SGCE: variants seen among roughly 807,000 people sequenced by gnomAD.
The protein encoded by SGCE is epsilon-sarcoglycan.
In SGCE, 26 loss-of-function variants were observed where a neutral mutation model predicts 57.8. The observed-to-expected ratio is 0.45, with a 90% CI of 0.33 to 0.62. SGCE has a LOEUF of 0.62. Ranked by LOEUF, SGCE falls within the 20% of genes least tolerant of loss-of-function variation. The pLI is 0.02. For synonymous variants in SGCE, 183 were observed against 189.5 expected (o/e 0.97, Z 0.28); for missense variants, 468 against 548.6 (o/e 0.85, Z 1.47).
chr7:94,636,821 T>A (rs1202760830), intron 1 of SGCE, among the ~76,000 whole-genome samples: 2 of 152,140 alleles, frequency 1.3e-5, no homozygotes, highest in Non-Finnish European at 2.9e-5. Context: ...CCCAGCACAT[T>A]GGGAGGGCAA....
At chr7:94,591,979 G>A (rs553481144) in intron 9 of SGCE, among the ~76,000 whole-genome samples, 11 of 152,240 alleles carry the variant, frequency 7.2e-5, no homozygotes, top group African/African-American at 2.6e-4. Flanking sequence ...ACTTAGATGA[G>A]TTATATTAAA....
At chr7:94,639,812 A>G (rs367778478) in intron 1 of SGCE, among the ~76,000 whole-genome samples, 1 of 152,224 alleles carries the variant, frequency 6.6e-6, no homozygotes, top group Non-Finnish European at 1.5e-5. Context: ...GGAAGCAATT[A>G]TCTCTGGCTA....
At chr7:94,612,590 T>G (rs1282784746) in intron 5 of SGCE, among the ~76,000 whole-genome samples, 2 of 152,196 alleles carry the variant, frequency 1.3e-5, no homozygotes, top group Non-Finnish European at 2.9e-5. Flanking sequence ...TTTTTGAAGT[T>G]ATAAATAATA....
intron 1 of SGCE, among the ~76,000 whole-genome samples, chr7:94,643,160 A>G (rs138304809): frequency 6.6e-6 from 1 of 152,348 alleles, no homozygotes; most frequent in African/African-American, 2.4e-5. Flanking sequence ...TACACATATT[A>G]TACCTTATGG....
intron 1 of SGCE, among the ~76,000 whole-genome samples, chr7:94,654,644 A>G (rs917073952): frequency 1.3e-5 from 2 of 152,262 alleles, no homozygotes; most frequent in African/African-American, 4.8e-5. Context: ...TCTAATAAAA[A>G]GTAAAATCTC....
At chr7:94,605,405 CAG>C (rs1249056510) in intron 5 of SGCE, among the ~76,000 whole-genome samples, 2 of 152,076 alleles carry the variant, frequency 1.3e-5, no homozygotes, top group African/African-American at 2.4e-5. Context: ...ATTGATCTAA[CAG>C]ATAACTTGTT....
intron 5 of SGCE, among the ~76,000 whole-genome samples, 163 bp from the exon 6 acceptor site, chr7:94,603,615 T>C (rs1799614678): frequency 6.6e-6 from 1 of 152,144 alleles, no homozygotes; most frequent in South Asian, 2.1e-4. Context: ...ATGTAGGGGC[T>C]TCCTTTCATT....
intron 5 of SGCE, among the ~76,000 whole-genome samples, chr7:94,603,769 A>T (rs944389867): frequency 1.3e-5 from 2 of 152,154 alleles, no homozygotes; most frequent in Non-Finnish European, 2.9e-5. Context: ...TACTATATTT[A>T]GTAATTACTA....
At chr7:94,641,883 A>G (rs903680359) in intron 1 of SGCE, among the ~76,000 whole-genome samples, 7 of 152,086 alleles carry the variant, frequency 4.6e-5, no homozygotes, top group African/African-American at 1.4e-4. Flanking sequence ...CAAGTAATCA[A>G]TCATCCTACC....
At chr7:94,624,284 C>A (rs1479762041) in intron 3 of SGCE, 15 of 397,136 alleles carry the variant, frequency 3.8e-5, no homozygotes, top group Non-Finnish European at 6.7e-5. Flanking sequence ...CTGACTTCAA[C>A]TAAAAATAAA....
At chr7:94,635,930 T>G (rs1805540734) in intron 1 of SGCE, among the ~76,000 whole-genome samples, 1 of 152,188 alleles carries the variant, frequency 6.6e-6, no homozygotes, top group Non-Finnish European at 1.5e-5. Context: ...CAGCTATTGT[T>G]TTTTTTTCAG....
intron 1 of SGCE, among the ~76,000 whole-genome samples, chr7:94,652,170 C>T (rs532589710): frequency 6.6e-6 from 1 of 152,160 alleles, no homozygotes; most frequent in African/African-American, 2.4e-5. Context: ...ATGGACTAAG[C>T]GATCTCCCCT....
intron 1 of SGCE, among the ~76,000 whole-genome samples, chr7:94,636,521 C>T (rs1805608395): frequency 6.6e-6 from 1 of 152,038 alleles, no homozygotes; most frequent in African/African-American, 2.4e-5. Flanking sequence ...GGACCCATAA[C>T]TAGAAAATAG....
At position 94,604,693 on chromosome 7, in the gene SGCE, C is replaced by G. The variant is rs183960276; in HGVS notation, c.663-1241G>C. On this transcript the variant is annotated intron_variant, in intron 5 of 10. Transcript: ENST00000648936. ...AAACTGGATATCCACATATCCTGTC[C>G]TACCTAAGAAGGCAAATGAGAAGCA... is the stretch of plus-strand genomic sequence containing the variant. Among the ~76,000 whole-genome samples, 370 of 150,650 alleles carry G rather than the reference C, an allele frequency of 2.5e-3. 5 individuals are homozygous for G. In the South Asian group the frequency reaches 0.028, roughly 12 times the overall value.
rs764331261 is a variant in SGCE at position 94,588,143 on chromosome 7, T to G, written c.1297+546A>C. On this transcript the variant is annotated intron_variant, in intron 10 of 10. Transcript: ENST00000648936. ...AATTTTTAGGGACACTTGAAAGAAA[T>G]AAAGAAAGCAAGTCTTAGGGAAATA... is the stretch of plus-strand genomic sequence containing the variant. 276 of 1,134,370 alleles carry G rather than the reference T, an allele frequency of 2.4e-4. 1 individual carries two copies. The highest frequency in any genetic ancestry group is 2.8e-4 in the Non-Finnish European group (264 of 927,234). 70.3% of individuals were successfully genotyped at this position (1,134,370 alleles called of 1,614,324 possible).
intron 5 of SGCE, chr7:94,617,039 G>C (rs933034981): frequency 6.6e-6 from 1 of 152,154 alleles, no homozygotes; most frequent in East Asian, 1.9e-4. Flanking sequence ...GGGTGTTGGG[G>C]GTCAGTCAGT....
chr7:94,630,359 C>T (rs990314331), intron 1 of SGCE, among the ~76,000 whole-genome samples: 3 of 151,614 alleles, frequency 2.0e-5, no homozygotes, highest in East Asian at 1.9e-4. Flanking sequence ...GCGGTTTTTA[C>T]GTATACTTAT....
intron 7 of SGCE, 158 bp from the exon 8 acceptor site, chr7:94,599,881 G>A: frequency 1.5e-6 from 1 of 657,670 alleles, no homozygotes; most frequent in Non-Finnish European, 2.8e-6. Flanking sequence ...GACATTGCTT[G>A]GATGAGTACA....
chr7:94,600,955 C>T, intron 6 of SGCE, 98 bp from the exon 7 acceptor site: 1 of 1,011,990 alleles, frequency 9.9e-7, no homozygotes, highest in Non-Finnish European at 1.5e-6. Flanking sequence ...GACAAATTAT[C>T]TAAAAAGCCA....
Sources: allele counts gnomAD v4.1 joint callset (sites outside exome capture counted in the v4.1 genomes callset), GRCh38; gene constraint gnomAD v4.1.1; transcripts MANE v1.5; gene names NCBI Gene and HGNC (gene_info 2026-07-23, HGNC 2026-07-21).